Variants in CNTN4 observed in about 807,000 individuals in gnomAD.
CNTN4 encodes the protein contactin-4.
Under a neutral mutation model 122.5 loss-of-function variants are expected in CNTN4, and 77 were observed. That is an observed-to-expected ratio of 0.63 (90% CI 0.52 to 0.76). The LOEUF is 0.76. CNTN4 is among the 30% of genes least tolerant of loss of function. CNTN4 has a pLI of 0.00. For missense variants in CNTN4, 1,256 were observed against 1,259.1 expected (o/e 1.00, Z 0.04); for synonymous variants, 512 against 447.0 (o/e 1.15, Z -1.83).
chr3:2,249,941 C>T (rs779252360), intron 2 of CNTN4, among the ~76,000 whole-genome samples: 3 of 151,742 alleles, frequency 2.0e-5, no homozygotes, highest in Non-Finnish European at 4.4e-5. Context: ...CCTGCTTTAA[C>T]CAGGATGTCT....
chr3:2,754,284 T>A (rs1300553486), intron 6 of CNTN4, among the ~76,000 whole-genome samples: 1 of 152,190 alleles, frequency 6.6e-6, no homozygotes, highest in East Asian at 1.9e-4. Context: ...GTAGTTCAGA[T>A]CTGCAAAGCA....
chr3:2,484,649 G>C (rs1216025422), intron 3 of CNTN4, among the ~76,000 whole-genome samples: 2 of 152,232 alleles, frequency 1.3e-5, no homozygotes, highest in African/African-American at 2.4e-5. Context: ...ACGGCTACAA[G>C]GACATCCACA....
At chr3:2,261,925 G>C (rs1005627381) in intron 2 of CNTN4, among the ~76,000 whole-genome samples, 4 of 152,080 alleles carry the variant, frequency 2.6e-5, no homozygotes, top group African/African-American at 9.7e-5. Context: ...GTCGTCTTTT[G>C]CTTTCCCTCT....
intron 3 of CNTN4, among the ~76,000 whole-genome samples, chr3:2,505,579 C>G (rs149324343): frequency 6.6e-6 from 1 of 152,218 alleles, no homozygotes; most frequent in East Asian, 1.9e-4. Flanking sequence ...TTGCAAAGAC[C>G]TACATAAATA....
intron 3 of CNTN4, among the ~76,000 whole-genome samples, chr3:2,479,440 A>C (rs957109529): frequency 6.6e-6 from 1 of 152,236 alleles, no homozygotes; most frequent in Non-Finnish European, 1.5e-5. Context: ...AGGTCACCAT[A>C]AGTGAACAGA....
At chr3:3,046,490 A>C (rs1700668766) in intron 23 of CNTN4, among the ~76,000 whole-genome samples, 1 of 152,228 alleles carries the variant, frequency 6.6e-6, no homozygotes, top group Non-Finnish European at 1.5e-5. Context: ...TCTTAAAGAA[A>C]AGAATTTTCA....
chr3:2,688,959 A>G (rs113616901), intron 4 of CNTN4, among the ~76,000 whole-genome samples: 20 of 152,312 alleles, frequency 1.3e-4, no homozygotes, highest in African/African-American at 3.8e-4. Context: ...CAGAGGTCTA[A>G]TGTAGCACCT....
chr3:2,398,672 CA>C, intron 3 of CNTN4, among the ~76,000 whole-genome samples: 1 of 152,194 alleles, frequency 6.6e-6, no homozygotes, highest in African/African-American at 2.4e-5. Flanking sequence ...AGTATTAAAA[CA>C]AAATTATCTT....
chr3:2,518,070 C>T (rs1300644857), intron 3 of CNTN4, among the ~76,000 whole-genome samples: 2 of 152,176 alleles, frequency 1.3e-5, no homozygotes, highest in South Asian at 2.1e-4. Flanking sequence ...TGTTGTTAAC[C>T]TCTCTTGTAG....
At chr3:2,367,887 G>A (rs1038118839) in intron 3 of CNTN4, among the ~76,000 whole-genome samples, 37 of 152,002 alleles carry the variant, frequency 2.4e-4, no homozygotes, top group African/African-American at 8.7e-4. Context: ...CCTACTGAGT[G>A]TCATTAGATT....
chr3:2,644,076 C>A (rs1200384301), intron 4 of CNTN4, among the ~76,000 whole-genome samples: 1 of 152,152 alleles, frequency 6.6e-6, no homozygotes, highest in African/African-American at 2.4e-5. Context: ...CCATTTACTA[C>A]TGCCTAAGAG....
At chr3:2,653,739 T>A (rs1331392220) in intron 4 of CNTN4, among the ~76,000 whole-genome samples, 1 of 152,206 alleles carries the variant, frequency 6.6e-6, no homozygotes, top group Non-Finnish European at 1.5e-5. Flanking sequence ...TTCCTTTATA[T>A]TTCCTTTATT....
chr3:2,272,695 T>C (rs1008309185), intron 2 of CNTN4, among the ~76,000 whole-genome samples: 1 of 152,190 alleles, frequency 6.6e-6, no homozygotes, highest in African/African-American at 2.4e-5. Context: ...AACTTGACAA[T>C]TGTATTGACA....
intron 2 of CNTN4, among the ~76,000 whole-genome samples, chr3:2,294,302 T>TTTTTTTTTTTTTTTTC (rs2042231300): frequency 6.6e-6 from 1 of 151,802 alleles, no homozygotes; most frequent in Non-Finnish European, 1.5e-5. Context: ...TTTTTTTTTT[T>TTTTTTTTTTTTTTTTC]TACTGAATAC....
intron 6 of CNTN4, among the ~76,000 whole-genome samples, chr3:2,777,943 G>A (rs552876595): frequency 2.6e-4 from 40 of 152,126 alleles, no homozygotes; most frequent in Admixed American, 7.2e-4. Flanking sequence ...TGCTGGGTGC[G>A]GTGGCTCATG....
chr3:2,256,417 G>C (rs1450957026), intron 2 of CNTN4, among the ~76,000 whole-genome samples: 1 of 152,150 alleles, frequency 6.6e-6, no homozygotes, highest in Non-Finnish European at 1.5e-5. Flanking sequence ...TAGAAAAAGA[G>C]GGAATCCTCC....
At chr3:2,590,906 G>A (rs1365968854) in intron 4 of CNTN4, among the ~76,000 whole-genome samples, 1 of 151,714 alleles carries the variant, frequency 6.6e-6, no homozygotes, top group Non-Finnish European at 1.5e-5. Flanking sequence ...TAATTGACAT[G>A]CAATAAACTA....
chr3:2,887,315 A>C, intron 10 of CNTN4, 91 bp downstream of exon 10: 1 of 1,199,314 alleles, frequency 8.3e-7, no homozygotes, highest in Non-Finnish European at 1.2e-6. Context: ...GCATTTTGGG[A>C]GAGATGGTGC....
At chr3:2,558,522 G>A (rs2078816609) in intron 3 of CNTN4, among the ~76,000 whole-genome samples, 1 of 151,936 alleles carries the variant, frequency 6.6e-6, no homozygotes, top group Admixed American at 6.6e-5. Context: ...TACCATAGAA[G>A]AGTATTATGT....
Sources: allele counts gnomAD v4.1 joint callset (sites outside exome capture counted in the v4.1 genomes callset), GRCh38; gene constraint gnomAD v4.1.1; transcripts MANE v1.5; gene names NCBI Gene and HGNC (gene_info 2026-07-23, HGNC 2026-07-21).